Variants in PDCD7 observed in about 807,000 individuals in gnomAD.
The protein encoded by PDCD7 is programmed cell death 7.
Under a neutral mutation model 42.1 loss-of-function variants are expected in PDCD7, and 40 were observed. That is an observed-to-expected ratio of 0.95 (90% CI 0.74 to 1.24). The LOEUF (loss-of-function observed/expected upper bound fraction) is 1.24. Among genes scored for constraint, PDCD7 ranks in the 50% most tolerant of loss-of-function variants. The pLI is 0.00. For missense variants in PDCD7, 644 were observed against 662.8 expected (o/e 0.97, Z 0.31); for synonymous variants, 299 against 303.3 (o/e 0.99, Z 0.15).
At chr15:65,125,779 A>G (rs2087490767) in intron 2 of PDCD7, among the ~76,000 whole-genome samples, 1 of 152,238 alleles carries the variant, frequency 6.6e-6, no homozygotes, top group Admixed American at 6.5e-5. Context: ...AACCTGTCCA[A>G]GTGTATTAAT....
chr15:65,118,969 T>C (rs1412415053), intron 4 of PDCD7, 129 bp from the exon 5 acceptor site: 3 of 604,374 alleles, frequency 5.0e-6, no homozygotes, highest in Non-Finnish European at 7.7e-6. Flanking sequence ...ACTTGATTTC[T>C]AGGAATCAAG....
intron 2 of PDCD7, among the ~76,000 whole-genome samples, 200 bp from the exon 3 acceptor site, chr15:65,120,154 T>C (rs541412193): frequency 2.0e-5 from 3 of 151,650 alleles, no homozygotes; most frequent in Non-Finnish European, 4.4e-5. Context: ...CTTTTTTTTA[T>C]TTTTTATTTT....
rs1345526890 is a variant in PDCD7, at chr15:65,118,734, C to G, written c.1441G>C (p.Ala481Pro). 2.6e-5 allele frequency: 42 copies of G among 1,607,814 alleles called. No individual in the cohort carries two copies. The highest frequency in any genetic ancestry group is 3.5e-5 in the Non-Finnish European group (41 of 1,177,558). ...PLPSNDIWAT[A>P]VKLH ...CATCTTTACTAATGCAGCTTAACAGCAGTTGCCCAGATGTCGTTGCTGGGG... is the reference window on the plus strand; with the variant it reads ...CATCTTTACTAATGCAGCTTAACAGGAGTTGCCCAGATGTCGTTGCTGGGG... Residue 481 changes from alanine to proline, a missense_variant, in exon 5 of 5, where the codon GCT (alanine) becomes CCT (proline). Ala to Pro is a conservative substitution (Grantham distance 27). Coordinates refer to ENST00000204549, the MANE Select transcript of PDCD7 (RefSeq NM_005707.2).
rs145077904 is a variant in PDCD7 at position 65,122,035 on chromosome 15, T to C, written c.1010-2081A>G. Among the ~76,000 whole-genome samples the C allele has an allele frequency of 9.3e-3, 1,423 of 152,194 alleles. 29 individuals are homozygous for C. Among genetic ancestry groups the C allele is most frequent in the African/African-American group, 0.029 (1,185 of 41,518 alleles). On this transcript the variant is annotated intron_variant, in intron 2 of 4. Transcript: ENST00000204549. ...AGGAAAATATGTTACCCAAGCATTT[T>C]AGCAATACCAGATACAGGGCCAAGC...
At position 65,129,192 on chromosome 15, in the gene PDCD7, T is replaced by G. The variant is rs752201433; in HGVS notation, c.871-22A>C. On this transcript the variant is annotated intron_variant, in intron 1 of 4. Transcript: ENST00000204549. ...GCTCCTGGAAGAGAAACAAAGCCCA[T>G]GAGACCTCGTATTAGGAACAAACTT... 1.1e-5 allele frequency: 17 copies of G among 1,612,480 alleles called. No homozygotes were observed. In the Admixed American group the frequency reaches 2.8e-4, roughly 27 times the overall value.
In PDCD7 at chr15:65,118,819, C is replaced by T. The variant is rs2087428635; in HGVS notation, c.1356G>A (p.Leu452=). The T allele has an allele frequency of 6.2e-7, 1 of 1,605,860 alleles. No homozygotes were observed. Among genetic ancestry groups the T allele is most frequent in the Non-Finnish European group, 8.5e-7 (1 of 1,176,482 alleles). The change falls in exon 5 of 5, where the codon CTG becomes CTA. Residue 452 remains leucine, a synonymous_variant. Transcript: ENST00000204549. ...IQIRHDWDQY[L]VPSDHPKGNF... is the part of the protein sequence containing the mutation. ...TGCCTTTGGGATGATCGGATGGCACCAGGTACTGATCCCAATCATGCCTTA... is the reference window on the plus strand; with the variant it reads ...TGCCTTTGGGATGATCGGATGGCACTAGGTACTGATCCCAATCATGCCTTA...
intron 2 of PDCD7, 88 bp downstream of exon 2, chr15:65,128,944 T>G (rs1355478113): frequency 2.7e-5 from 39 of 1,447,020 alleles, no homozygotes; most frequent in Non-Finnish European, 3.4e-5. Context: ...AAGTTTCAAG[T>G]ATTTTTCCCT....
intron 1 of PDCD7, among the ~76,000 whole-genome samples, chr15:65,132,071 C>T (rs556059988): frequency 1.4e-5 from 2 of 147,302 alleles, no homozygotes; most frequent in African/African-American, 5.0e-5. Context: ...CATACACATA[C>T]ATACATATAT....
rs754098976 is a variant in PDCD7 at position 65,118,789 on chromosome 15, G to A, written c.1386C>T (p.Phe462=). 3.1e-5 allele frequency: 50 copies of A among 1,610,616 alleles called. No individual in the cohort carries two copies. The highest frequency in any genetic ancestry group is 4.0e-5 in the Non-Finnish European group (47 of 1,178,672). ...LVPSDHPKGN[F]VPQGWVLPPL... Reference sequence around the variant, plus strand: ...GGGGAAGGACCCATCCTTGGGGAACGAAGTTGCCTTTGGGATGATCGGATG... The same window carrying A: ...GGGGAAGGACCCATCCTTGGGGAACAAAGTTGCCTTTGGGATGATCGGATG... The change falls in exon 5 of 5, where the codon TTC becomes TTT. Residue 462 remains phenylalanine, a synonymous_variant. Transcript: ENST00000204549.
rs2087565150 is a variant in PDCD7 at position 65,133,757 on chromosome 15, G to A, written c.25C>T (p.Gln9Ter). Residue 9 changes from glutamine (Q) to a stop codon, truncating the protein, a stop_gained, in exon 1 of 5, where the codon CAG becomes TAG. Coordinates refer to ENST00000204549, the MANE Select transcript of PDCD7 (RefSeq NM_005707.2). LOFTEE classifies it high-confidence loss of function. ...GGGGGCGGTGGGCCTGGGCGACCCT[G>A]GCCGAAGAATGGTGGCAGGGCCATG... MALPPFFG[Q>*]GRPGPPPPQP... The A allele has an allele frequency of 7.5e-7, 1 of 1,334,688 alleles. No individual in the cohort carries two copies. The highest frequency in any genetic ancestry group is 2.2e-5 in the South Asian group (1 of 45,084). The allele number at this position is 1,334,688 out of a possible 1,614,324, so 82.7% of individuals were successfully genotyped here.
At chr15:65,124,176 C>T (rs1328191001) in intron 2 of PDCD7, among the ~76,000 whole-genome samples, 1 of 152,090 alleles carries the variant, frequency 6.6e-6, no homozygotes, top group Admixed American at 6.6e-5. Context: ...AATCCCAACA[C>T]TTTGGGAGGC....
intron 4 of PDCD7, 130 bp downstream of exon 4, chr15:65,119,246 T>C (rs764377957): frequency 1.5e-5 from 9 of 617,016 alleles, no homozygotes; most frequent in Non-Finnish European, 2.6e-5. Context: ...TATAAACCCA[T>C]AGTTTTTTTT....
At position 65,133,622 on chromosome 15, in the gene PDCD7, G is replaced by T; in HGVS notation, c.160C>A (p.Pro54Thr). 15 of 1,249,748 alleles carry T rather than the reference G, an allele frequency of 1.2e-5. No individual in the cohort carries two copies. The highest frequency in any genetic ancestry group is 1.5e-5 in the Non-Finnish European group (15 of 995,036). 77.4% of individuals were successfully genotyped at this position (1,249,748 alleles called of 1,614,324 possible). A position where few individuals can be genotyped will look rare whatever the true frequency, so the allele number is the denominator to read the frequency against. ...AGAGCCAGCGGAGGCTGAAGGAAGG[G>T]GGCGGAGGCCCCCGGAAAAGGGCCG... ...RPGPFPGASA[P>T]FLQPPLALQP... is the part of the protein sequence containing the mutation. Residue 54 changes from proline (P) to threonine (T), a missense_variant, in exon 1 of 5, where the codon CCC becomes ACC. Pro to Thr is a conservative substitution (Grantham distance 38). Transcript: ENST00000204549.
In PDCD7 at chr15:65,133,238, G is replaced by C. The variant is rs1595930225; in HGVS notation, c.544C>G (p.Leu182Val). 6 of 1,363,906 alleles carry C rather than the reference G, an allele frequency of 4.4e-6. No individual in the cohort carries two copies. Among genetic ancestry groups the C allele is most frequent in the Non-Finnish European group, 5.6e-6 (6 of 1,067,294 alleles). The allele number at this position is 1,363,906 out of a possible 1,614,324, so 84.5% of individuals were successfully genotyped here. The change falls in exon 1 of 5, where the codon CTG becomes GTG. Residue 182 changes from leucine to valine, a missense_variant. Physicochemically the swap from Leu to Val is conservative, Grantham distance 32. Coordinates refer to ENST00000204549, the MANE Select transcript of PDCD7 (RefSeq NM_005707.2). ...CCGCGCAGCCGCCGCACCAGGCGCA[G>C]AGCCCGGAGCAATCGCGCGCGCACT... ...GEVRARLLRA[L>V]RLVRRLRGLS...
At chr15:65,129,923 T>A (rs2087525695) in intron 1 of PDCD7, among the ~76,000 whole-genome samples, 1 of 144,302 alleles carries the variant, frequency 6.9e-6, no homozygotes, top group African/African-American at 2.5e-5. Flanking sequence ...GTATTTTTTT[T>A]TTTTTTTTTT....
rs889307771 is a variant in PDCD7 at position 65,132,104 on chromosome 15, GTATA to G, written c.870+804_870+807del. ...TATATACACATACATATATGTATGTGTATATATATGTATGTATGTGTATATATAT... is the reference window on the plus strand; with the variant it reads ...TATATACACATACATATATGTATGTGTATATGTATGTATGTGTATATATAT... On this transcript the variant is annotated intron_variant, in intron 1 of 4. Coordinates refer to ENST00000204549, the MANE Select transcript of PDCD7 (RefSeq NM_005707.2). 5.2e-5 allele frequency among the ~76,000 whole-genome samples: 5 copies of G among 96,750 alleles called. No individual in the cohort carries two copies. The Admixed American group carries it at 5.2e-4, about 10-fold the overall frequency. 63.5% of individuals were successfully genotyped at this position (96,750 alleles called of 152,430 possible). A position where few individuals can be genotyped will look rare whatever the true frequency, so the allele number is the denominator to read the frequency against.
chr15:65,119,977 C>T, intron 2 of PDCD7, 23 bp from the exon 3 acceptor site: 1 of 1,585,586 alleles, frequency 6.3e-7, no homozygotes, highest in Non-Finnish European at 8.5e-7. Flanking sequence ...GACAAAATGG[C>T]ATTTTATTTA....
At chr15:65,118,922 T>C in intron 4 of PDCD7, 82 bp from the exon 5 acceptor site, 1 of 1,070,542 alleles carries the variant, frequency 9.3e-7, no homozygotes, top group Non-Finnish European at 1.3e-6. Flanking sequence ...TTCTAAGACT[T>C]AGCTTTCAAA....
intron 1 of PDCD7, among the ~76,000 whole-genome samples, chr15:65,130,154 C>A: frequency 9.6e-6 from 1 of 103,658 alleles, no homozygotes; most frequent in African/African-American, 3.8e-5. Context: ...CCCCAACCCT[C>A]TTTTTTTTTT....
Sources: allele counts gnomAD v4.1 joint callset (sites outside exome capture counted in the v4.1 genomes callset), GRCh38; gene constraint gnomAD v4.1.1; transcripts MANE v1.5; gene names NCBI Gene and HGNC (gene_info 2026-07-23, HGNC 2026-07-21).